The following FMN2 variants were observed in gnomAD, a reference collection of about 807,000 sequenced individuals.
FMN2 encodes the protein formin 2, also known as formin-2.
A neutral mutation model predicts 142.3 loss-of-function variants in FMN2; 51 were observed. The observed-to-expected ratio is 0.36, with a 90% CI of 0.29 to 0.45. The LOEUF is 0.45. FMN2 is among the 20% of genes least tolerant of loss of function. The pLI is 1.00. For synonymous variants in FMN2, 882 were observed against 869.8 expected, an observed-to-expected ratio of 1.01 and a Z score of -0.25; for missense variants, 1,936 against 2,122.8, an observed-to-expected ratio of 0.91 and a Z score of 1.73.
Position 240,371,209 on chromosome 1 carries a change from C to T in FMN2, c.4858+15301C>T, listed in dbSNP as rs141794745. ...TCCTGGCCTCAAGTGATACCCCCAC[C>T]TTGGCCTCCCAAAGTGTTGAGATTA... is the stretch of plus-strand genomic sequence containing the variant. On this transcript the variant is annotated intron_variant, in intron 14 of 17. Transcript: ENST00000319653. Among the ~76,000 whole-genome samples the T allele has an allele frequency of 6.2e-3, 942 of 152,292 alleles. 4 individuals are homozygous for T. Among genetic ancestry groups the T allele is most frequent in the African/African-American group, 0.022 (899 of 41,558 alleles).
intron 6 of FMN2, among the ~76,000 whole-genome samples, chr1:240,214,735 A>G (rs570133957): frequency 1.6e-4 from 24 of 152,186 alleles, no homozygotes; most frequent in African/African-American, 5.5e-4. Flanking sequence ...AATGACCCTA[A>G]GTCACCTCAG....
At chr1:240,434,426 G>A (rs903014558) in intron 15 of FMN2, among the ~76,000 whole-genome samples, 4 of 152,132 alleles carry the variant, frequency 2.6e-5, no homozygotes, top group Non-Finnish European at 5.9e-5. Flanking sequence ...TGAATTCACT[G>A]AGGGCTACCT....
Position 240,093,627 on chromosome 1 carries a change from G to T in FMN2, c.1518G>T (p.Gly506=). 7.0e-7 allele frequency: 1 copy of T among 1,423,208 alleles called. No homozygotes were observed. 88.2% of individuals were successfully genotyped at this position (1,423,208 alleles called of 1,614,324 possible). ...GCTCCGCGCACCTGCTGGAGCGCGGGGTGGCGAGTGACAGCGGCGGTGGGG... is the reference window on the plus strand; with the variant it reads ...GCTCCGCGCACCTGCTGGAGCGCGGTGTGGCGAGTGACAGCGGCGGTGGGG... ...VGGSAHLLER[G]VASDSGGGVS... Residue 506 remains glycine, a synonymous_variant, in exon 1 of 18, where the codon GGG becomes GGT. Transcript: ENST00000319653.
intron 6 of FMN2, among the ~76,000 whole-genome samples, chr1:240,227,564 T>C (rs1667355425): frequency 1.3e-5 from 2 of 152,174 alleles, no homozygotes; most frequent in South Asian, 4.1e-4. Flanking sequence ...AAAACTATAG[T>C]AATTAAGACA....
intron 2 of FMN2, among the ~76,000 whole-genome samples, chr1:240,139,162 C>G (rs772225035): frequency 6.6e-6 from 1 of 152,072 alleles, no homozygotes; most frequent in Non-Finnish European, 1.5e-5. Context: ...ACGTGAGAAG[C>G]CTTGGGGATT....
chr1:240,116,526 G>A (rs1218560576), intron 1 of FMN2, among the ~76,000 whole-genome samples: 1 of 147,508 alleles, frequency 6.8e-6, no homozygotes, highest in Non-Finnish European at 1.5e-5. Context: ...TGAGCTGAGA[G>A]TAAAATGCTT....
chr1:240,393,849 C>T (rs971569146), intron 15 of FMN2, among the ~76,000 whole-genome samples: 3 of 152,190 alleles, frequency 2.0e-5, no homozygotes, highest in Non-Finnish European at 2.9e-5. Flanking sequence ...GTCTGTTACA[C>T]AATAGTCTGT....
chr1:240,226,815 C>CACACACACACACACACACAT (rs1667319973), intron 6 of FMN2, among the ~76,000 whole-genome samples: 3 of 151,530 alleles, frequency 2.0e-5, no homozygotes, highest in Non-Finnish European at 4.4e-5. Context: ...TAGTGACACA[C>CACACACACACACACACACAT]ACACACACAC....
At chr1:240,132,507 G>A (rs964015894) in intron 2 of FMN2, among the ~76,000 whole-genome samples, 4 of 152,172 alleles carry the variant, frequency 2.6e-5, no homozygotes, top group African/African-American at 9.7e-5. Context: ...TGGTGGAGAG[G>A]TAGGCTCGTT....
At chr1:240,189,272 T>C (rs1333346108) in intron 4 of FMN2, among the ~76,000 whole-genome samples, 1 of 152,196 alleles carries the variant, frequency 6.6e-6, no homozygotes, top group Non-Finnish European at 1.5e-5. Context: ...CAAACCAATT[T>C]ACATTTTCAC....
intron 14 of FMN2, among the ~76,000 whole-genome samples, chr1:240,361,424 A>G (rs2103055486): frequency 6.6e-6 from 1 of 152,128 alleles, no homozygotes; most frequent in Admixed American, 6.5e-5. Context: ...CACTTATAAG[A>G]TCGTTATGGT....
intron 3 of FMN2, among the ~76,000 whole-genome samples, chr1:240,186,724 G>C (rs1165253670): frequency 6.6e-6 from 1 of 152,130 alleles, no homozygotes; most frequent in African/African-American, 2.4e-5. Flanking sequence ...AGCTGGCCAG[G>C]GTGGCTGGCC....
chr1:240,278,493 T>G (rs1419676577), intron 7 of FMN2, among the ~76,000 whole-genome samples: 2 of 152,192 alleles, frequency 1.3e-5, no homozygotes, highest in East Asian at 3.9e-4. Flanking sequence ...AGTTTTCCTT[T>G]GTGGTAGCCT....
intron 8 of FMN2, among the ~76,000 whole-genome samples, chr1:240,325,699 G>A (rs546483501): frequency 8.8e-4 from 134 of 152,222 alleles, no homozygotes; most frequent in Non-Finnish European, 1.4e-3. Context: ...TTCAGCTCTC[G>A]TGCAGTAAGG....
At position 240,452,123 on chromosome 1, in the gene FMN2, A is replaced by G. The variant is rs1476311782; in HGVS notation, c.5060+13913A>G. ...GGAGAGTCACTTGAACCTGGGAGGC[A>G]GGGGTTGCAGTGAGCCGAGATCACA... On this transcript the variant is annotated intron_variant, in intron 16 of 17. Transcript: ENST00000319653. 4.0e-5 allele frequency among the ~76,000 whole-genome samples: 6 copies of G among 151,388 alleles called. No individual in the cohort carries two copies. The East Asian group carries it at 7.8e-4, about 20-fold the overall frequency.
In FMN2 at chr1:240,136,648, G is replaced by A. The variant is rs529453934; in HGVS notation, c.1782+13303G>A. ...TTTATTAAAAGGGGTGACTCAGCTCGACTTTTCTGTCATGATTTTCTTTTC... is the reference window on the plus strand; with the variant it reads ...TTTATTAAAAGGGGTGACTCAGCTCAACTTTTCTGTCATGATTTTCTTTTC... On this transcript the variant is annotated intron_variant, in intron 2 of 17. Transcript: ENST00000319653. Among the ~76,000 whole-genome samples the A allele has an allele frequency of 2.3e-4, 35 of 152,180 alleles. 1 individual carries two copies. The Middle Eastern group carries it at 0.01, about 44-fold the overall frequency.
chr1:240,355,379 TACTG>T (rs796577799), intron 13 of FMN2, among the ~76,000 whole-genome samples: 28 of 152,326 alleles, frequency 1.8e-4, no homozygotes, highest in African/African-American at 6.7e-4. Context: ...AGTCAGTTGA[TACTG>T]ATGATGATGG....
chr1:240,098,391 A>T (rs1661296399), intron 1 of FMN2, among the ~76,000 whole-genome samples: 1 of 151,908 alleles, frequency 6.6e-6, no homozygotes, highest in African/African-American at 2.4e-5. Context: ...CTTGATTTTT[A>T]TATCAGTAGA....
At chr1:240,246,571 T>C (rs1478848792) in intron 6 of FMN2, among the ~76,000 whole-genome samples, 4 of 152,160 alleles carry the variant, frequency 2.6e-5, no homozygotes, top group African/African-American at 9.7e-5. Context: ...TCACAATCTG[T>C]GCACCAGAAG....
Sources: gnomAD v4.1 joint callset for allele counts (sites outside exome capture counted in the v4.1 genomes callset) on GRCh38, gnomAD v4.1.1 for gene constraint, MANE v1.5 for transcripts, NCBI Gene and HGNC (gene_info 2026-07-23, HGNC 2026-07-21) for gene names.